Variants in NDUFS4 observed in about 807,000 individuals in gnomAD.
NDUFS4 encodes NADH:ubiquinone oxidoreductase subunit S4.
NDUFS4 carries 28 observed loss-of-function variants against 24.3 expected under a neutral mutation model. The observed-to-expected ratio is 1.15, with a 90% CI of 0.85 to 1.58. The LOEUF (loss-of-function observed/expected upper bound fraction) is 1.58, where lower values mean the gene tolerates loss of function less well. Ranked by LOEUF, NDUFS4 falls within the 40% of genes most tolerant of loss-of-function variation. NDUFS4 has a pLI of 0.00. For missense variants in NDUFS4, 223 were observed against 207.9 expected, an observed-to-expected ratio of 1.07 and a Z score of -0.45; for synonymous variants, 93 against 69.7, an observed-to-expected ratio of 1.34 and a Z score of -1.67.
chr5:53,666,335 A>T (rs1005506420), intron 4 of NDUFS4, among the ~76,000 whole-genome samples: 4 of 152,216 alleles, frequency 2.6e-5, no homozygotes, highest in Non-Finnish European at 4.4e-5. Context: ...TACAGTTGCC[A>T]TGTGAATTGC....
intron 1 of NDUFS4, among the ~76,000 whole-genome samples, chr5:53,571,256 C>T (rs1171741288): frequency 6.6e-6 from 1 of 152,138 alleles, no homozygotes; most frequent in Non-Finnish European, 1.5e-5. Context: ...TACAGATTTG[C>T]CTATTCTGGA....
At chr5:53,575,645 G>A (rs1442215583) in intron 1 of NDUFS4, among the ~76,000 whole-genome samples, 2 of 136,364 alleles carry the variant, frequency 1.5e-5, no homozygotes, top group Non-Finnish European at 3.0e-5. Flanking sequence ...GGGTTAAATC[G>A]ATTCATGTGC....
chr5:53,597,252 A>G (rs1357871463), intron 1 of NDUFS4, among the ~76,000 whole-genome samples: 1 of 152,204 alleles, frequency 6.6e-6, no homozygotes, highest in Non-Finnish European at 1.5e-5. Flanking sequence ...ACATCCTAAG[A>G]AACAATATTC....
At chr5:53,626,525 C>T (rs1340469498) in intron 2 of NDUFS4, among the ~76,000 whole-genome samples, 1 of 152,208 alleles carries the variant, frequency 6.6e-6, no homozygotes, top group Non-Finnish European at 1.5e-5. Flanking sequence ...TATTTCTCCA[C>T]ATCCTCTCCA....
intron 2 of NDUFS4, among the ~76,000 whole-genome samples, chr5:53,607,189 C>T (rs942650185): frequency 6.6e-6 from 1 of 152,120 alleles, no homozygotes; most frequent in African/African-American, 2.4e-5. Flanking sequence ...GAAAATGAAC[C>T]TGTCACTTCA....
At chr5:53,621,370 C>T (rs997716459) in intron 2 of NDUFS4, among the ~76,000 whole-genome samples, 4 of 151,848 alleles carry the variant, frequency 2.6e-5, no homozygotes, top group Non-Finnish European at 5.9e-5. Flanking sequence ...TTTAGTTTGA[C>T]AATTTCTGTC....
chr5:53,637,663 A>G (rs1461706020), intron 2 of NDUFS4, among the ~76,000 whole-genome samples: 2 of 152,182 alleles, frequency 1.3e-5, no homozygotes. Context: ...ACAAAACATT[A>G]AAGACCCACA....
chr5:53,576,559 C>G (rs1176123346), intron 1 of NDUFS4, among the ~76,000 whole-genome samples: 1 of 152,166 alleles, frequency 6.6e-6, no homozygotes, highest in African/African-American at 2.4e-5. Context: ...AAATCCCTTT[C>G]TCTGATACCA....
chr5:53,606,056 C>T (rs1349756573), intron 2 of NDUFS4, among the ~76,000 whole-genome samples: 9 of 130,950 alleles, frequency 6.9e-5, no homozygotes, highest in African/African-American at 2.3e-4. Flanking sequence ...TGGTGGTGGG[C>T]GCCTGTAGTC....
chr5:53,587,779 A>G (rs1749810784), intron 1 of NDUFS4, among the ~76,000 whole-genome samples: 1 of 152,066 alleles, frequency 6.6e-6, no homozygotes, highest in Non-Finnish European at 1.5e-5. Context: ...GGATTTCACC[A>G]TGTTGCCCAG....
At chr5:53,635,475 A>G (rs575737613) in intron 2 of NDUFS4, among the ~76,000 whole-genome samples, 1 of 152,144 alleles carries the variant, frequency 6.6e-6, no homozygotes, top group Admixed American at 6.5e-5. Context: ...AGCCATGATC[A>G]TGCCACTGCA....
chr5:53,594,475 C>A (rs1479847280), intron 1 of NDUFS4, among the ~76,000 whole-genome samples: 1 of 151,920 alleles, frequency 6.6e-6, no homozygotes, highest in Non-Finnish European at 1.5e-5. Flanking sequence ...ATTTTTTAAT[C>A]TACTCCGATA....
chr5:53,654,878 T>C (rs1752119449), intron 3 of NDUFS4, among the ~76,000 whole-genome samples: 1 of 152,206 alleles, frequency 6.6e-6, no homozygotes, highest in Non-Finnish European at 1.5e-5. Context: ...TTAAATAGGC[T>C]TTGCTCATAA....
At chr5:53,587,029 G>A (rs1185286004) in intron 1 of NDUFS4, among the ~76,000 whole-genome samples, 1 of 151,836 alleles carries the variant, frequency 6.6e-6, no homozygotes, top group Non-Finnish European at 1.5e-5. Flanking sequence ...TCACCATGTT[G>A]GCCAGGCTGG....
At chr5:53,667,621 C>G (rs1455049404) in intron 4 of NDUFS4, among the ~76,000 whole-genome samples, 1 of 151,866 alleles carries the variant, frequency 6.6e-6, no homozygotes, top group Admixed American at 6.6e-5. Context: ...ATCCCCACAA[C>G]TAAAATCATT....
At chr5:53,671,838 C>G (rs762798711) in intron 4 of NDUFS4, among the ~76,000 whole-genome samples, 3 of 152,076 alleles carry the variant, frequency 2.0e-5, no homozygotes, top group Non-Finnish European at 2.9e-5. Context: ...CCCGTTTGAT[C>G]TGATTTGAAA....
At chr5:53,607,725 C>T (rs554825922) in intron 2 of NDUFS4, among the ~76,000 whole-genome samples, 1 of 152,180 alleles carries the variant, frequency 6.6e-6, no homozygotes, top group African/African-American at 2.4e-5. Flanking sequence ...GAATATTTTG[C>T]TCCTTTTTCT....
At chr5:53,668,977 G>GAT (rs1579939326) in intron 4 of NDUFS4, among the ~76,000 whole-genome samples, 1 of 152,104 alleles carries the variant, frequency 6.6e-6, no homozygotes, top group South Asian at 2.1e-4. Flanking sequence ...AAGTAACAGG[G>GAT]ACACATACAA....
intron 2 of NDUFS4, among the ~76,000 whole-genome samples, chr5:53,631,726 C>G (rs1023311092): frequency 1.2e-4 from 19 of 152,206 alleles, no homozygotes; most frequent in Non-Finnish European, 2.8e-4. Flanking sequence ...TCCACTCCCA[C>G]CACCAAGCTC....
Sources: allele counts gnomAD v4.1 joint callset (sites outside exome capture counted in the v4.1 genomes callset), GRCh38; gene constraint gnomAD v4.1.1; transcripts MANE v1.5; gene names NCBI Gene and HGNC (gene_info 2026-07-23, HGNC 2026-07-21).